MCC: variants seen among roughly 807,000 people sequenced by gnomAD.
The protein encoded by MCC is MCC regulator of Wnt signaling pathway, also known as colorectal mutant cancer protein.
MCC carries 90 observed loss-of-function variants against 116.2 expected under a neutral mutation model. That is an observed-to-expected ratio of 0.77 (90% CI 0.65 to 0.92). MCC has a LOEUF of 0.92. Among genes scored for constraint, MCC ranks in the 40% least tolerant of loss-of-function variants. The pLI, the probability that MCC is intolerant of heterozygous loss-of-function variation, is 0.00. For missense variants in MCC, 1,516 were observed against 1,312.2 expected, an observed-to-expected ratio of 1.16 and a Z score of -2.40; for synonymous variants, 578 against 510.5, an observed-to-expected ratio of 1.13 and a Z score of -1.78.
chr5:113,037,414 CG>C (rs1554106080), intron 17 of MCC, among the ~76,000 whole-genome samples: 1 of 152,136 alleles, frequency 6.6e-6, no homozygotes, highest in Non-Finnish European at 1.5e-5. Context: ...TAGTCAGGGC[CG>C]GGCACAGTGG....
chr5:113,171,712 A>G (rs1209704999), intron 3 of MCC, among the ~76,000 whole-genome samples: 1 of 152,100 alleles, frequency 6.6e-6, no homozygotes, highest in Non-Finnish European at 1.5e-5. Context: ...TGTGGCCTGT[A>G]TCATTTCACA....
At chr5:113,187,754 C>A (rs1434699822) in intron 3 of MCC, among the ~76,000 whole-genome samples, 21 of 122,942 alleles carry the variant, frequency 1.7e-4, no homozygotes, top group African/African-American at 5.1e-4. Flanking sequence ...GACTCCAACT[C>A]AAAAAAAAAA....
At chr5:113,387,116 C>G (rs976640672) in intron 1 of MCC, among the ~76,000 whole-genome samples, 2 of 152,086 alleles carry the variant, frequency 1.3e-5, no homozygotes, top group Admixed American at 1.3e-4. Context: ...GAAAAACATA[C>G]CATGGTAGCC....
chr5:113,428,352 G>T (rs146129451), intron 1 of MCC, among the ~76,000 whole-genome samples: 2 of 152,092 alleles, frequency 1.3e-5, no homozygotes, highest in Non-Finnish European at 2.9e-5. Context: ...CCTCTTTACC[G>T]ACTGAAGCAT....
intron 5 of MCC, among the ~76,000 whole-genome samples, chr5:113,137,679 CCT>C (rs1483583017): frequency 2.0e-5 from 3 of 151,888 alleles, no homozygotes; most frequent in Non-Finnish European, 2.9e-5. Flanking sequence ...TTGTTATGCC[CCT>C]GTCTGCGTTT....
rs1491203603 is a variant in MCC, at chr5:113,401,768, T to TA, written c.171-16557_171-16556insT. On this transcript the variant is annotated intron_variant, in intron 1 of 18. Coordinates refer to ENST00000408903, the MANE Select transcript of MCC (RefSeq NM_001085377.2). ...GTGCAAATTTCCCCAGGTTTTCTTATTTATATATATATATATATATTCTCC... is the reference window on the plus strand; with the variant it reads ...GTGCAAATTTCCCCAGGTTTTCTTATATTATATATATATATATATATTCTCC... 1.2e-3 allele frequency among the ~76,000 whole-genome samples: 147 copies of TA among 121,292 alleles called. 1 individual carries two copies. The highest frequency in any genetic ancestry group is 0.011 in the Middle Eastern group (3 of 274). 79.6% of individuals were successfully genotyped at this position (121,292 alleles called of 152,430 possible).
intron 5 of MCC, among the ~76,000 whole-genome samples, chr5:113,142,985 C>A (rs777993836): frequency 6.6e-5 from 10 of 152,310 alleles, no homozygotes; most frequent in Middle Eastern, 3.4e-3. Flanking sequence ...TCCAGGGCTA[C>A]TGTAAGGACC....
rs139792486 is a variant in MCC at position 113,332,835 on chromosome 5, A to G, written c.627+7684T>C. Among the ~76,000 whole-genome samples the G allele has an allele frequency of 2.7e-3, 403 of 151,804 alleles. 10 individuals are homozygous for G. Among genetic ancestry groups the G allele is most frequent in the African/African-American group, 9.6e-3 (393 of 41,072 alleles). On this transcript the variant is annotated intron_variant, in intron 3 of 18. Transcript: ENST00000408903. ...ACTTCAATTAATAGCAAATAGCCAA[A>G]CAAAGCTACACCTCCTGAAATATCA...
chr5:113,402,270 G>A (rs1266289500), intron 1 of MCC, among the ~76,000 whole-genome samples: 1 of 146,436 alleles, frequency 6.8e-6, no homozygotes, highest in Non-Finnish European at 1.5e-5. Flanking sequence ...CTCCAGCCTG[G>A]GCAACAGAGC....
rs149627209 is a variant in MCC at position 113,184,630 on chromosome 5, T to C, written c.628-33208A>G. Among the ~76,000 whole-genome samples the C allele has an allele frequency of 2.5e-3, 387 of 152,178 alleles. 1 individual carries two copies. Among genetic ancestry groups the C allele is most frequent in the African/African-American group, 8.9e-3 (371 of 41,522 alleles). ...GGTGTGCACAACCACGCCCAGCTTATAGCAGTTTGGTTTCTATAACCCTAT... is the reference window on the plus strand; with the variant it reads ...GGTGTGCACAACCACGCCCAGCTTACAGCAGTTTGGTTTCTATAACCCTAT... On this transcript the variant is annotated intron_variant, in intron 3 of 18. Transcript: ENST00000408903.
intron 12 of MCC, among the ~76,000 whole-genome samples, chr5:113,069,372 C>T (rs1057375657): frequency 6.6e-6 from 1 of 152,216 alleles, no homozygotes; most frequent in Non-Finnish European, 1.5e-5. Context: ...AACAACAGTC[C>T]CTTTCCTGTA....
At chr5:113,333,859 A>ACATATATGTACATATGTACATATG (rs1767799359) in intron 3 of MCC, among the ~76,000 whole-genome samples, 5 of 95,336 alleles carry the variant, frequency 5.2e-5, no homozygotes, top group Admixed American at 4.9e-4. Flanking sequence ...ATGTACATAT[A>ACATATATGTACATATGTACATATG]TGTATATATG....
chr5:113,352,756 T>C (rs1161955584), intron 2 of MCC, among the ~76,000 whole-genome samples: 1 of 152,128 alleles, frequency 6.6e-6, no homozygotes, highest in Non-Finnish European at 1.5e-5. Flanking sequence ...GGCTCCTTTT[T>C]CTTCTCAACA....
chr5:113,379,578 A>C (rs549622204), intron 2 of MCC, among the ~76,000 whole-genome samples: 1 of 152,342 alleles, frequency 6.6e-6, no homozygotes, highest in South Asian at 2.1e-4. Flanking sequence ...ATTATAATAC[A>C]AGTAAAGTGC....
intron 2 of MCC, among the ~76,000 whole-genome samples, chr5:113,352,994 G>A (rs1245038773): frequency 6.6e-6 from 1 of 152,084 alleles, no homozygotes; most frequent in Non-Finnish European, 1.5e-5. Context: ...TTGTAACATG[G>A]CTTTTCATAT....
chr5:113,396,489 T>C (rs1229600144), intron 1 of MCC, among the ~76,000 whole-genome samples: 1 of 118,566 alleles, frequency 8.4e-6, no homozygotes, highest in Non-Finnish European at 1.8e-5. Flanking sequence ...AAAAAAAAAA[T>C]AGCCAGATGT....
intron 3 of MCC, among the ~76,000 whole-genome samples, chr5:113,304,013 T>G (rs1049438180): frequency 3.3e-5 from 5 of 152,186 alleles, no homozygotes; most frequent in African/African-American, 4.8e-5. Flanking sequence ...ACTATGAGAA[T>G]GAGATCTTGA....
intron 1 of MCC, among the ~76,000 whole-genome samples, chr5:113,446,907 C>A (rs148244524): frequency 6.6e-6 from 1 of 152,044 alleles, no homozygotes; most frequent in Non-Finnish European, 1.5e-5. Flanking sequence ...ACACAATATA[C>A]CCAGGTAACA....
At chr5:113,392,952 T>C (rs561470786) in intron 1 of MCC, among the ~76,000 whole-genome samples, 2 of 152,124 alleles carry the variant, frequency 1.3e-5, no homozygotes, top group African/African-American at 4.8e-5. Context: ...TGTATCATCA[T>C]AAAAAATCTC....
Sources: gnomAD v4.1 joint callset for allele counts (sites outside exome capture counted in the v4.1 genomes callset) on GRCh38, gnomAD v4.1.1 for gene constraint, MANE v1.5 for transcripts, NCBI Gene and HGNC (gene_info 2026-07-23, HGNC 2026-07-21) for gene names.